The following POU2AF2 variants were observed in gnomAD, a reference collection of about 807,000 sequenced individuals.
POU2AF2 encodes POU domain class 2-associating factor 2.
At chr11:111,274,221 G>A in the POU2AF2 span, among the ~76,000 whole-genome samples, 1 of 152,094 alleles carries the variant, frequency 6.6e-6, no homozygotes, top group Non-Finnish European at 1.5e-5. Flanking sequence ...ACCCTTCCCA[G>A]CCCCATGCAG....
the POU2AF2 span, among the ~76,000 whole-genome samples, chr11:111,281,063 C>T: frequency 7.9e-5 from 12 of 152,180 alleles, no homozygotes; most frequent in Admixed American, 7.2e-4. Context: ...TAAGGGGAGG[C>T]TACTGGATAT....
the POU2AF2 span, among the ~76,000 whole-genome samples, chr11:111,257,382 T>C: frequency 6.7e-6 from 1 of 150,198 alleles, no homozygotes; most frequent in Admixed American, 6.6e-5. Flanking sequence ...TTTTTTGAGA[T>C]GGAGTCTCGC....
At chr11:111,271,140 T>C in the POU2AF2 span, among the ~76,000 whole-genome samples, 1 of 152,072 alleles carries the variant, frequency 6.6e-6, no homozygotes, top group Non-Finnish European at 1.5e-5. Context: ...CTGGCCAACA[T>C]GGTGAAACCC....
At chr11:111,265,020 A>G in the POU2AF2 span, among the ~76,000 whole-genome samples, 112,630 of 151,702 alleles carry the variant, frequency 0.74, 42,158 homozygotes, top group East Asian at 0.84. Flanking sequence ...GGAGGAAAGC[A>G]TGCCACGAGC....
chr11:111,256,249 T>C, the POU2AF2 span, among the ~76,000 whole-genome samples: 2 of 152,350 alleles, frequency 1.3e-5, no homozygotes, highest in Admixed American at 1.3e-4. Flanking sequence ...ACAGACAATC[T>C]TTCTCTCACT....
the POU2AF2 span, among the ~76,000 whole-genome samples, chr11:111,278,263 C>G: frequency 1.3e-5 from 2 of 152,188 alleles, no homozygotes; most frequent in Non-Finnish European, 2.9e-5. Flanking sequence ...AGAGGTAGAG[C>G]TGGGATTCAA....
chr11:111,268,485 TTATTTTATTTTA>T, the POU2AF2 span, among the ~76,000 whole-genome samples: 1 of 29,740 alleles, frequency 3.4e-5, no homozygotes, highest in African/African-American at 1.1e-4. Flanking sequence ...TTTTTTTATT[TTATTTTATTTTA>T]TTTTATTTTA....
the POU2AF2 span, among the ~76,000 whole-genome samples, chr11:111,269,877 T>C: frequency 6.6e-6 from 1 of 152,198 alleles, no homozygotes; most frequent in Non-Finnish European, 1.5e-5. Context: ...AAAATGGGAA[T>C]TCTGCAACCA....
At chr11:111,250,144 G>C in the POU2AF2 span, among the ~76,000 whole-genome samples, 1 of 152,006 alleles carries the variant, frequency 6.6e-6, no homozygotes, top group Non-Finnish European at 1.5e-5. Flanking sequence ...CGACCTTCTT[G>C]ACTTCTCTTA....
the POU2AF2 span, among the ~76,000 whole-genome samples, chr11:111,252,883 T>C: frequency 1.3e-5 from 2 of 152,128 alleles, no homozygotes; most frequent in Non-Finnish European, 2.9e-5. Flanking sequence ...TAGTCTCCCC[T>C]TCCTGTGTCT....
chr11:111,260,195 C>T, the POU2AF2 span, among the ~76,000 whole-genome samples: 1 of 152,166 alleles, frequency 6.6e-6, no homozygotes, highest in Non-Finnish European at 1.5e-5. Context: ...TGCACTAGGA[C>T]ACAATGATTC....
chr11:111,253,982 T>A, the POU2AF2 span, among the ~76,000 whole-genome samples: 1 of 152,248 alleles, frequency 6.6e-6, no homozygotes, highest in South Asian at 2.1e-4. Flanking sequence ...TCTGGGTTTC[T>A]CTGACTATCC....
At chr11:111,277,644 T>C in the POU2AF2 span, among the ~76,000 whole-genome samples, 1 of 152,214 alleles carries the variant, frequency 6.6e-6, no homozygotes, top group Non-Finnish European at 1.5e-5. Context: ...GGATTGGGCA[T>C]GTGTGCTGTG....
At chr11:111,278,206 T>G in the POU2AF2 span, among the ~76,000 whole-genome samples, 1 of 152,224 alleles carries the variant, frequency 6.6e-6, no homozygotes, top group Non-Finnish European at 1.5e-5. Context: ...GTGCTCGATG[T>G]AATAATCTCA....
the POU2AF2 span, among the ~76,000 whole-genome samples, chr11:111,247,189 C>CAGAGAGAG: frequency 6.4e-3 from 220 of 34,396 alleles, 1 homozygote; most frequent in Middle Eastern, 0.015. Context: ...CATACACACA[C>CAGAGAGAG]ACAGAGAGAG....
chr11:111,251,299 C>G, the POU2AF2 span, among the ~76,000 whole-genome samples: 2 of 152,142 alleles, frequency 1.3e-5, no homozygotes, highest in African/African-American at 4.8e-5. Context: ...TAGAATGACT[C>G]TACAGCTTCA....
chr11:111,257,532 C>A, the POU2AF2 span, among the ~76,000 whole-genome samples: 1 of 152,146 alleles, frequency 6.6e-6, no homozygotes, highest in Non-Finnish European at 1.5e-5. Context: ...CCACGCCCCA[C>A]TAATTGTGTT....
chr11:111,251,405 G>A, the POU2AF2 span, among the ~76,000 whole-genome samples: 1 of 152,188 alleles, frequency 6.6e-6, no homozygotes, highest in Admixed American at 6.5e-5. Context: ...TTCATATTTG[G>A]ATGTGTGGAG....
At chr11:111,286,075 T>C in the POU2AF2 span, 11 of 1,599,206 alleles carry the variant, frequency 6.9e-6, no homozygotes, top group Non-Finnish European at 9.4e-6. Context: ...AAATGACTTC[T>C]GGGTTTTTCT....
Sources: allele counts gnomAD v4.1 joint callset (sites outside exome capture counted in the v4.1 genomes callset), GRCh38; gene constraint gnomAD v4.1.1; transcripts MANE v1.5; gene names NCBI Gene and HGNC (gene_info 2026-07-23, HGNC 2026-07-21).